The following DMD variants were observed in gnomAD, a reference collection of about 807,000 sequenced individuals.
DMD encodes dystrophin, also known as mutant dystrophin.
DMD carries 63 observed loss-of-function variants against 330.1 expected under a neutral mutation model. The ratio of observed to expected loss-of-function variants is 0.19; its 90% CI spans 0.16 to 0.24. The LOEUF (loss-of-function observed/expected upper bound fraction) is 0.24, where lower values mean the gene tolerates loss of function less well. Among genes scored for constraint, DMD ranks in the 10% least tolerant of loss-of-function variants. DMD has a pLI of 1.00. For missense variants in DMD, 3,344 were observed against 2,684.1 expected (o/e 1.25, Z -5.43); for synonymous variants, 1,223 against 959.8 (o/e 1.27, Z -5.07).
chrX:32,393,779 G>A (rs931411699), intron 30 of DMD, among the ~76,000 whole-genome samples: 5 of 110,860 alleles, frequency 4.5e-5, no homozygotes, highest in Non-Finnish European at 9.5e-5. Context: ...AAGAAAAGAA[G>A]AACTAGAAAA....
Position 32,812,371 on chromosome X carries a change from G to A in DMD, c.531-2760C>T, listed in dbSNP as rs374499261. 4.5e-5 allele frequency among the ~76,000 whole-genome samples: 5 copies of A among 112,325 alleles called. No individual in the cohort carries two copies. In the South Asian group the frequency reaches 1.5e-3, roughly 33 times the overall value. On this transcript the variant is annotated intron_variant, in intron 6 of 78. Transcript: ENST00000357033. ...AAATTGGCCAGGCGCAGTGGCTCCC[G>A]CCTATACTCCCAGCACTTTGGGAGG...
intron 55 of DMD, among the ~76,000 whole-genome samples, chrX:31,602,772 G>T (rs986111847): frequency 9.0e-6 from 1 of 111,547 alleles, no homozygotes; most frequent in African/African-American, 3.3e-5. Context: ...ATGAAATTCC[G>T]TCATCGTCAG....
At chrX:32,624,264 C>T (rs370193270) in intron 11 of DMD, among the ~76,000 whole-genome samples, 13 of 111,058 alleles carry the variant, frequency 1.2e-4, no homozygotes, top group African/African-American at 4.3e-4. Context: ...CAATAGAGAG[C>T]CGAGGGAGTG....
At chrX:32,520,766 C>G (rs2046340366) in intron 17 of DMD, among the ~76,000 whole-genome samples, 1 of 111,093 alleles carries the variant, frequency 9.0e-6, no homozygotes, top group African/African-American at 3.3e-5. Context: ...CTAAATCCTT[C>G]TCTTCAGATC....
chrX:32,531,410 T>C (rs2047465545), intron 17 of DMD, among the ~76,000 whole-genome samples: 1 of 111,827 alleles, frequency 8.9e-6, no homozygotes. Context: ...ACACTCGTAC[T>C]CTAAAAATCT....
rs748925567 is a variant in DMD at position 31,178,815 on chromosome X, A to G, written c.10087-10T>C. On this transcript the variant is annotated splice_polypyrimidine_tract_variant and intron_variant, in intron 69 of 78. Transcript: ENST00000357033. Reference sequence around the variant, plus strand: ...CTTCTCCTGATGTAGTCTAAAAGGGAGATCATGGTGAGATCAGATTTAGGA... The same window carrying G: ...CTTCTCCTGATGTAGTCTAAAAGGGGGATCATGGTGAGATCAGATTTAGGA... 1.7e-6 allele frequency: 2 copies of G among 1,209,503 alleles called. No homozygotes were observed. The highest frequency in any genetic ancestry group is 3.5e-5 in the South Asian group (2 of 56,914).
intron 1 of DMD, among the ~76,000 whole-genome samples, chrX:33,194,176 C>T (rs1249943786): frequency 3.6e-5 from 4 of 110,114 alleles, no homozygotes; most frequent in Non-Finnish European, 5.7e-5. Flanking sequence ...TGAATATATG[C>T]AAATTAATTT....
intron 41 of DMD, among the ~76,000 whole-genome samples, chrX:32,340,006 G>A (rs958789351): frequency 6.3e-5 from 7 of 111,859 alleles, no homozygotes; most frequent in African/African-American, 1.3e-4. Flanking sequence ...ACTCTAGGGC[G>A]TAAGAATTGG....
At chrX:31,143,267 C>T (rs772926509) in intron 76 of DMD, among the ~76,000 whole-genome samples, 2 of 110,325 alleles carry the variant, frequency 1.8e-5, no homozygotes, top group African/African-American at 3.3e-5. Flanking sequence ...CGGCGGTTTC[C>T]CCCATGCTGT....
At chrX:32,825,990 A>G (rs1251635917) in intron 4 of DMD, among the ~76,000 whole-genome samples, 1 of 110,952 alleles carries the variant, frequency 9.0e-6, no homozygotes, top group Non-Finnish European at 1.9e-5. Context: ...ATTATACACT[A>G]AAAAAATAGA....
chrX:32,593,801 A>G (rs2055207199), intron 13 of DMD, among the ~76,000 whole-genome samples: 1 of 112,560 alleles, frequency 8.9e-6, no homozygotes, highest in East Asian at 2.8e-4. Flanking sequence ...TTTAGTTTAT[A>G]AAAATATTTC....
At chrX:32,172,642 AC>A (rs2096891743) in intron 44 of DMD, among the ~76,000 whole-genome samples, 1 of 111,415 alleles carries the variant, frequency 9.0e-6, no homozygotes, top group African/African-American at 3.3e-5. Context: ...ATAAAATACT[AC>A]CATTTTAGAC....
chrX:31,395,685 T>C (rs1186994788), intron 60 of DMD, among the ~76,000 whole-genome samples: 2 of 112,227 alleles, frequency 1.8e-5, no homozygotes, highest in African/African-American at 6.5e-5. Context: ...GGCTGCTATA[T>C]TGCATGAGGA....
intron 7 of DMD, among the ~76,000 whole-genome samples, chrX:32,719,189 C>T (rs1314869817): frequency 9.0e-6 from 1 of 111,723 alleles, no homozygotes; most frequent in Non-Finnish European, 1.9e-5. Context: ...ACTTATCAGC[C>T]ATTGCATCCA....
At chrX:31,906,076 C>T (rs922755534) in intron 47 of DMD, among the ~76,000 whole-genome samples, 5 of 111,459 alleles carry the variant, frequency 4.5e-5, no homozygotes, top group African/African-American at 9.8e-5. Context: ...AATTGAATCA[C>T]GGCGGGCGGT....
chrX:31,397,979 C>T (rs2061020675), intron 60 of DMD, among the ~76,000 whole-genome samples: 1 of 112,294 alleles, frequency 8.9e-6, no homozygotes. Flanking sequence ...ATTGACCTTG[C>T]GTAAGGGAGA....
At chrX:31,436,267 G>A (rs781062441) in intron 60 of DMD, among the ~76,000 whole-genome samples, 1 of 111,726 alleles carries the variant, frequency 9.0e-6, no homozygotes, top group East Asian at 2.8e-4. Context: ...CAATCAAGTA[G>A]CCTAATTAAT....
At chrX:33,013,106 G>A (rs961425972) in intron 2 of DMD, among the ~76,000 whole-genome samples, 1 of 110,272 alleles carries the variant, frequency 9.1e-6, no homozygotes, top group Non-Finnish European at 1.9e-5. Context: ...TTATTGGGTA[G>A]GTGGAATTTT....
At chrX:32,392,707 G>T (rs1039382273) in intron 30 of DMD, among the ~76,000 whole-genome samples, 1 of 112,597 alleles carries the variant, frequency 8.9e-6, no homozygotes, top group African/African-American at 3.2e-5. Flanking sequence ...ATAGAATATA[G>T]TCCAAGTGCC....
Sources: allele counts gnomAD v4.1 joint callset (sites outside exome capture counted in the v4.1 genomes callset), GRCh38; gene constraint gnomAD v4.1.1; transcripts MANE v1.5; gene names NCBI Gene and HGNC (gene_info 2026-07-23, HGNC 2026-07-21).